The following FSTL4 variants were observed in gnomAD, a reference collection of about 807,000 sequenced individuals.
FSTL4 encodes the protein follistatin-related protein 4.
FSTL4 carries 28 observed loss-of-function variants against 78.2 expected under a neutral mutation model. The ratio of observed to expected loss-of-function variants is 0.36; its 90% CI spans 0.27 to 0.49. The LOEUF (loss-of-function observed/expected upper bound fraction) is 0.49, where lower values mean the gene tolerates loss of function less well. Ranked by LOEUF, FSTL4 falls within the 20% of genes least tolerant of loss-of-function variation. The pLI, the probability that FSTL4 is intolerant of heterozygous loss-of-function variation, is 0.98. For synonymous variants in FSTL4, 422 were observed against 440.5 expected, an observed-to-expected ratio of 0.96 and a Z score of 0.53; for missense variants, 922 against 1,084.9, an observed-to-expected ratio of 0.85 and a Z score of 2.11.
At chr5:133,220,439 T>C (rs1751056118) in intron 12 of FSTL4, among the ~76,000 whole-genome samples, 1 of 152,236 alleles carries the variant, frequency 6.6e-6, no homozygotes. Flanking sequence ...AGAAAACACA[T>C]GTTTGGCAGC....
chr5:133,377,257 C>T (rs964201903), intron 4 of FSTL4, among the ~76,000 whole-genome samples: 1 of 151,732 alleles, frequency 6.6e-6, no homozygotes, highest in Admixed American at 6.6e-5. Flanking sequence ...AGTTCCCTCA[C>T]CCCAGTTTAC....
intron 8 of FSTL4, among the ~76,000 whole-genome samples, chr5:133,230,123 G>A (rs146372761): frequency 2.6e-5 from 4 of 152,274 alleles, no homozygotes; most frequent in East Asian, 3.9e-4. Flanking sequence ...TGGTACACCG[G>A]CCCCTCAGTG....
chr5:133,532,403 T>C (rs1371115118), intron 3 of FSTL4, among the ~76,000 whole-genome samples: 3 of 152,224 alleles, frequency 2.0e-5, no homozygotes, highest in African/African-American at 7.2e-5. Context: ...AGAATTATGT[T>C]CAATATCATC....
the FSTL4 span, among the ~76,000 whole-genome samples, chr5:133,733,114 C>T: frequency 6.6e-6 from 1 of 152,184 alleles, no homozygotes. Flanking sequence ...AGTTTTCCCC[C>T]AAGAAATATA....
At chr5:133,391,258 C>A (rs999895614) in intron 4 of FSTL4, among the ~76,000 whole-genome samples, 1 of 152,242 alleles carries the variant, frequency 6.6e-6, no homozygotes. Context: ...ATTGAAGGCA[C>A]GATAGGGGAG....
chr5:133,399,336 A>G (rs1252725462), intron 4 of FSTL4, among the ~76,000 whole-genome samples: 3 of 152,188 alleles, frequency 2.0e-5, no homozygotes, highest in African/African-American at 7.2e-5. Context: ...CCTCATTTCC[A>G]TAATGTGTCT....
At chr5:133,835,108 A>T in the FSTL4 span, among the ~76,000 whole-genome samples, 1 of 152,228 alleles carries the variant, frequency 6.6e-6, no homozygotes, top group African/African-American at 2.4e-5. Context: ...CCTCCTACAC[A>T]CACACAAAGA....
intron 4 of FSTL4, among the ~76,000 whole-genome samples, chr5:133,397,414 T>G (rs1209058019): frequency 6.6e-6 from 1 of 152,242 alleles, no homozygotes; most frequent in Non-Finnish European, 1.5e-5. Context: ...GGATCAAAGC[T>G]GTAAACTCTA....
At chr5:133,500,144 T>C (rs185720984) in intron 3 of FSTL4, among the ~76,000 whole-genome samples, 4 of 152,306 alleles carry the variant, frequency 2.6e-5, no homozygotes, top group Non-Finnish European at 5.9e-5. Context: ...TGAGTCTTTT[T>C]ATTGCCTGGG....
intron 3 of FSTL4, among the ~76,000 whole-genome samples, chr5:133,485,456 T>C (rs1333891852): frequency 6.6e-6 from 1 of 152,206 alleles, no homozygotes; most frequent in African/African-American, 2.4e-5. Context: ...TTTGGGAACA[T>C]TGAAAGTGAA....
At chr5:133,360,186 A>G (rs1159681563) in intron 4 of FSTL4, among the ~76,000 whole-genome samples, 1 of 152,236 alleles carries the variant, frequency 6.6e-6, no homozygotes, top group Non-Finnish European at 1.5e-5. Context: ...TCCAAGTACA[A>G]TCTTCTCAAC....
the FSTL4 span, among the ~76,000 whole-genome samples, chr5:133,804,861 A>G: frequency 0.67 from 100,858 of 150,038 alleles, 34,568 homozygotes; most frequent in Non-Finnish European, 0.76. Context: ...GGAGAACGGC[A>G]TGAACCCGGA....
the FSTL4 span, among the ~76,000 whole-genome samples, chr5:133,794,394 G>A: frequency 6.6e-6 from 1 of 152,208 alleles, no homozygotes; most frequent in Non-Finnish European, 1.5e-5. Flanking sequence ...CATTAGTGTG[G>A]CTGACCAAGG....
intron 6 of FSTL4, among the ~76,000 whole-genome samples, chr5:133,265,109 T>C (rs1386304816): frequency 6.6e-6 from 1 of 152,044 alleles, no homozygotes; most frequent in Non-Finnish European, 1.5e-5. Context: ...TCCCTGGGAA[T>C]GCTGGCCATA....
intron 8 of FSTL4, among the ~76,000 whole-genome samples, chr5:133,230,533 C>G (rs958292970): frequency 6.6e-6 from 1 of 152,228 alleles, no homozygotes; most frequent in Non-Finnish European, 1.5e-5. Context: ...AGATGGCTCA[C>G]ATGTGCTTAG....
At chr5:133,512,336 T>C (rs1172191695) in intron 3 of FSTL4, among the ~76,000 whole-genome samples, 3 of 152,220 alleles carry the variant, frequency 2.0e-5, no homozygotes, top group East Asian at 1.9e-4. Context: ...AGACCCTCAA[T>C]AGGTGCTGCA....
At chr5:133,503,707 TC>T (rs1758547572) in intron 3 of FSTL4, among the ~76,000 whole-genome samples, 1 of 152,190 alleles carries the variant, frequency 6.6e-6, no homozygotes, top group African/African-American at 2.4e-5. Flanking sequence ...TCAGCCCAGT[TC>T]CCTGTGATGC....
intron 8 of FSTL4, among the ~76,000 whole-genome samples, chr5:133,227,979 C>T (rs1012093570): frequency 1.3e-5 from 2 of 152,198 alleles, no homozygotes; most frequent in African/African-American, 4.8e-5. Context: ...ATTATCTCAG[C>T]ACTTTGGGAG....
In FSTL4 at chr5:133,225,206, A is replaced by G; in HGVS notation, c.1256T>C (p.Val419Ala). Reference sequence around the variant, plus strand: ...CGAGGAGATATCTTCATCCACACCCACTTCATTTTTGGCAATGCAGGTGTA... The same window carrying G: ...CGAGGAGATATCTTCATCCACACCCGCTTCATTTTTGGCAATGCAGGTGTA... ...GAYTCIAKNE[V>A]GVDEDISSLF... The change falls in exon 10 of 16, where the codon GTG becomes GCG. Residue 419 changes from valine (V) to alanine (A), a missense_variant. Physicochemically the swap from Val to Ala is moderately conservative, Grantham distance 64. Coordinates refer to ENST00000265342, the MANE Select transcript of FSTL4 (RefSeq NM_015082.2). This position sits in a 1 kb window ranked among gnomAD's most constrained non-coding sequence, Gnocchi z 4.6. 6.2e-7 allele frequency: 1 copy of G among 1,613,962 alleles called. No individual in the cohort carries two copies. Among genetic ancestry groups the G allele is most frequent in the Non-Finnish European group, 8.5e-7 (1 of 1,179,940 alleles).
Sources: gnomAD v4.1 joint callset for allele counts (sites outside exome capture counted in the v4.1 genomes callset) on GRCh38, gnomAD v4.1.1 for gene constraint, Gnocchi (gnomAD v3.1) non-coding constraint, MANE v1.5 for transcripts, NCBI Gene and HGNC (gene_info 2026-07-23, HGNC 2026-07-21) for gene names.